Variants in L3MBTL4 observed in about 807,000 individuals in gnomAD.
L3MBTL4 encodes the protein lethal(3)malignant brain tumor-like protein 4.
Under a neutral mutation model 84.5 loss-of-function variants are expected in L3MBTL4, and 70 were observed. That is an observed-to-expected ratio of 0.83 (90% CI 0.68 to 1.01). The LOEUF (loss-of-function observed/expected upper bound fraction) is 1.01. L3MBTL4 is among the 50% of genes least tolerant of loss of function. The pLI, the probability that L3MBTL4 is intolerant of heterozygous loss-of-function variation, is 0.00. For synonymous variants in L3MBTL4, 274 were observed against 259.8 expected (o/e 1.05, Z -0.52); for missense variants, 715 against 754.8 (o/e 0.95, Z 0.62).
At chr18:6,369,713 T>A (rs560141500) in intron 1 of L3MBTL4, among the ~76,000 whole-genome samples, 1 of 152,238 alleles carries the variant, frequency 6.6e-6, no homozygotes, top group South Asian at 2.1e-4. Context: ...GGGATGACAT[T>A]CACAGGACAA....
chr18:6,012,535 C>T (rs1165850602), intron 16 of L3MBTL4, among the ~76,000 whole-genome samples: 3 of 152,048 alleles, frequency 2.0e-5, no homozygotes, highest in East Asian at 1.9e-4. Flanking sequence ...ATTAAGTTCT[C>T]TGTAAGAGTC....
intron 5 of L3MBTL4, among the ~76,000 whole-genome samples, chr18:6,254,528 T>C (rs2048058225): frequency 6.7e-6 from 1 of 150,294 alleles, no homozygotes; most frequent in Non-Finnish European, 1.5e-5. Flanking sequence ...CAGTGAAGGA[T>C]GGCTGATTGT....
At chr18:6,257,163 C>CT (rs1178215005) in intron 5 of L3MBTL4, among the ~76,000 whole-genome samples, 3 of 152,008 alleles carry the variant, frequency 2.0e-5, no homozygotes, top group African/African-American at 7.3e-5. Flanking sequence ...GTTAAATCAA[C>CT]TAAGAGTCAG....
chr18:6,182,601 T>A (rs2044527338), intron 12 of L3MBTL4, among the ~76,000 whole-genome samples: 1 of 152,242 alleles, frequency 6.6e-6, no homozygotes, highest in Non-Finnish European at 1.5e-5. Flanking sequence ...GTCTTCATCA[T>A]GAAATCTTTG....
intron 16 of L3MBTL4, among the ~76,000 whole-genome samples, chr18:5,974,094 T>C (rs142797643): frequency 1.3e-5 from 2 of 152,340 alleles, no homozygotes; most frequent in Non-Finnish European, 2.9e-5. Context: ...AAACTTGTAA[T>C]GTCAGTGGTT....
At chr18:5,993,896 T>G (rs1050901295) in intron 16 of L3MBTL4, among the ~76,000 whole-genome samples, 13 of 152,156 alleles carry the variant, frequency 8.5e-5, no homozygotes, top group African/African-American at 3.1e-4. Flanking sequence ...AAAATACATG[T>G]TTTTGCACTA....
chr18:6,187,029 G>A (rs910655616), intron 12 of L3MBTL4, among the ~76,000 whole-genome samples: 4 of 152,164 alleles, frequency 2.6e-5, no homozygotes, highest in African/African-American at 2.4e-5. Flanking sequence ...GGGACAGGAC[G>A]ATGCCCAAGG....
At chr18:6,402,072 T>G (rs1011010064) in intron 1 of L3MBTL4, among the ~76,000 whole-genome samples, 2 of 152,236 alleles carry the variant, frequency 1.3e-5, no homozygotes, top group African/African-American at 4.8e-5. Flanking sequence ...GTTTTTCTCA[T>G]AATGATCAAT....
At chr18:6,361,325 C>G (rs1325116089) in intron 1 of L3MBTL4, among the ~76,000 whole-genome samples, 2 of 152,184 alleles carry the variant, frequency 1.3e-5, no homozygotes, top group Non-Finnish European at 2.9e-5. Context: ...CTACCAGGCT[C>G]TCTTGCCAAC....
rs192208202 is a variant in L3MBTL4 at position 6,379,522 on chromosome 18, A to G, written c.-91+35279T>C. On this transcript the variant is annotated intron_variant, in intron 1 of 18. Coordinates refer to ENST00000317931, the MANE Select transcript of L3MBTL4 (RefSeq NM_001330559.2). ...ACCTAGTTTATTGAAAGTTTTTAGC[A>G]TGAAGGCAAGTTGAATTTTGTCCAA... Among the ~76,000 whole-genome samples, 49 of 152,316 alleles carry G rather than the reference A, an allele frequency of 3.2e-4. 1 individual carries two copies. The South Asian group carries it at 5.4e-3, about 17-fold the overall frequency.
chr18:6,169,054 T>G (rs977590292), intron 13 of L3MBTL4, among the ~76,000 whole-genome samples: 2 of 152,202 alleles, frequency 1.3e-5, no homozygotes, highest in African/African-American at 2.4e-5. Flanking sequence ...AAGACATTTA[T>G]GCAGCCAAAA....
In L3MBTL4 at chr18:6,287,315, T is replaced by A. The variant is rs1242578792; in HGVS notation, c.127+14588A>T. ...ACTCCAAATAAGACTCACACCTCAA[T>A]TGATACACGAGGCTCCAGAAAAAAA... On this transcript the variant is annotated intron_variant, in intron 4 of 18. Transcript: ENST00000317931. 2.6e-5 allele frequency among the ~76,000 whole-genome samples: 4 copies of A among 152,128 alleles called. No individual in the cohort carries two copies. In the South Asian group the frequency reaches 8.3e-4, roughly 32 times the overall value.
intron 16 of L3MBTL4, among the ~76,000 whole-genome samples, chr18:5,972,590 A>T (rs905849414): frequency 2.0e-5 from 3 of 152,130 alleles, no homozygotes; most frequent in African/African-American, 7.2e-5. Context: ...ACGCAAGACT[A>T]ATTTGCATTT....
At chr18:6,172,724 T>A (rs139985698) in intron 12 of L3MBTL4, among the ~76,000 whole-genome samples, 1,630 of 152,244 alleles carry the variant, frequency 0.011, 30 homozygotes, top group African/African-American at 0.037. Flanking sequence ...AATCAAATAA[T>A]TATTTCTTAA....
At chr18:6,052,741 A>G (rs180863782) in intron 16 of L3MBTL4, among the ~76,000 whole-genome samples, 1 of 152,368 alleles carries the variant, frequency 6.6e-6, no homozygotes, top group Admixed American at 6.5e-5. Flanking sequence ...TACTTTGCCA[A>G]TAGTGGAGAA....
At chr18:6,356,158 G>A (rs538756346) in intron 1 of L3MBTL4, among the ~76,000 whole-genome samples, 2 of 152,174 alleles carry the variant, frequency 1.3e-5, no homozygotes, top group African/African-American at 4.8e-5. Flanking sequence ...AAATAATTCT[G>A]TAGTATTCTC....
chr18:6,114,748 C>T (rs146119130), intron 14 of L3MBTL4, among the ~76,000 whole-genome samples: 1 of 152,310 alleles, frequency 6.6e-6, no homozygotes, highest in African/African-American at 2.4e-5. Context: ...AAAAAGCTTA[C>T]AAAAGCTATC....
intron 16 of L3MBTL4, among the ~76,000 whole-genome samples, chr18:5,993,308 C>T (rs368362460): frequency 1.3e-5 from 2 of 152,298 alleles, no homozygotes. Context: ...ATGACTTTTC[C>T]AGATAAATCT....
chr18:6,157,774 T>C (rs1038917357), intron 13 of L3MBTL4, among the ~76,000 whole-genome samples: 1 of 152,234 alleles, frequency 6.6e-6, no homozygotes, highest in African/African-American at 2.4e-5. Flanking sequence ...ACACTTTAAC[T>C]TCATAATGAT....
Sources: gnomAD v4.1 joint callset for allele counts (sites outside exome capture counted in the v4.1 genomes callset) on GRCh38, gnomAD v4.1.1 for gene constraint, MANE v1.5 for transcripts, NCBI Gene and HGNC (gene_info 2026-07-23, HGNC 2026-07-21) for gene names.